Variants in HOXC4 observed in about 807,000 individuals in gnomAD.
HOXC4 encodes the protein homeobox C4.
In HOXC4, 15 loss-of-function variants were observed where a neutral mutation model predicts 25.5. The ratio of observed to expected loss-of-function variants is 0.59; its 90% confidence interval spans 0.39 to 0.91. The LOEUF is 0.91. HOXC4 is among the 40% of genes least tolerant of loss of function. HOXC4 has a pLI of 0.00. For synonymous variants in HOXC4, 165 were observed against 148.0 expected, an observed-to-expected ratio of 1.11 and a Z score of -0.83; for missense variants, 342 against 352.4, an observed-to-expected ratio of 0.97 and a Z score of 0.24.
chr12:54,038,724 C>CTGAGATAAAA (rs2136454664), intron 1 of HOXC4, among the ~76,000 whole-genome samples: 1 of 152,234 alleles, frequency 6.6e-6, no homozygotes, highest in South Asian at 2.1e-4. Flanking sequence ...CAGCCCTTGC[C>CTGAGATAAAA]TGAGATAAAA....
rs1477097655 is a variant in HOXC4 at position 54,055,482 on chromosome 12, T to C, written c.*277T>C. 6.4e-6 allele frequency: 1 copy of C among 157,028 alleles called. No homozygotes were observed. Among genetic ancestry groups the C allele is most frequent in the Non-Finnish European group, 1.4e-5 (1 of 71,734 alleles). The allele number at this position is 157,028 out of a possible 1,614,324, so 9.7% of individuals were successfully genotyped here. On this transcript the variant is annotated 3_prime_UTR_variant, in exon 2 of 2. Coordinates refer to ENST00000430889, the MANE Select transcript of HOXC4 (RefSeq NM_153633.3). ...CTGGGTGTTTTTTTTTAAAAGGCCA[T>C]TTTGGGGGGTTATTTATTTTTTAAG... is the stretch of plus-strand genomic sequence containing the variant.
chr12:54,034,287 G>A, intron 1 of HOXC4: 1 of 1,613,604 alleles, frequency 6.2e-7, no homozygotes, highest in Non-Finnish European at 8.5e-7. Flanking sequence ...GAGACGGACG[G>A]CAAGCGGTCC....
At chr12:54,043,129 C>A (rs948680018) in intron 1 of HOXC4, among the ~76,000 whole-genome samples, 1 of 152,164 alleles carries the variant, frequency 6.6e-6, no homozygotes, top group Non-Finnish European at 1.5e-5. Flanking sequence ...CTCTAAGGAC[C>A]ACATTTTAGC....
chr12:54,032,371 C>A (rs1194920611), intron 1 of HOXC4, among the ~76,000 whole-genome samples: 1 of 152,238 alleles, frequency 6.6e-6, no homozygotes, highest in Admixed American at 6.5e-5. Context: ...CTTTCTCTTG[C>A]TGATAGGCAC....
At chr12:54,040,227 GC>G (rs903355119) in intron 1 of HOXC4, among the ~76,000 whole-genome samples, 1 of 152,178 alleles carries the variant, frequency 6.6e-6, no homozygotes, top group African/African-American at 2.4e-5. Context: ...AACCCGGGAA[GC>G]TTTTAATTTT....
intron 1 of HOXC4, among the ~76,000 whole-genome samples, chr12:54,040,615 C>A (rs1941257155): frequency 6.6e-6 from 1 of 152,186 alleles, no homozygotes; most frequent in South Asian, 2.1e-4. Context: ...CGTTCGCCAG[C>A]GTGATTCTAC....
At chr12:54,042,769 C>T (rs536558717) in intron 1 of HOXC4, among the ~76,000 whole-genome samples, 3 of 152,224 alleles carry the variant, frequency 2.0e-5, no homozygotes, top group South Asian at 2.1e-4. Flanking sequence ...AAGGAGAAGA[C>T]GATGCTGTTT....
intron 1 of HOXC4, chr12:54,020,449 A>G (rs1212804848): frequency 1.3e-5 from 2 of 152,222 alleles, no homozygotes; most frequent in African/African-American, 4.8e-5. Flanking sequence ...CTGGTCTGAC[A>G]GTTGTGATCC....
At chr12:54,051,508 C>T (rs1433031301), upstream of HOXC4, among the ~76,000 whole-genome samples, 1 of 152,226 alleles carries the variant, frequency 6.6e-6, no homozygotes, top group Non-Finnish European at 1.5e-5. Context: ...AACTTCCTCT[C>T]CAACCAAACC....
intron 1 of HOXC4, chr12:54,034,302 C>A: frequency 1.2e-6 from 2 of 1,614,030 alleles, no homozygotes; most frequent in Non-Finnish European, 1.7e-6. Context: ...CGGTCCCGAA[C>A]CAGTTACACG....
chr12:54,045,221 C>T (rs556128230), intron 1 of HOXC4, among the ~76,000 whole-genome samples: 14 of 152,318 alleles, frequency 9.2e-5, no homozygotes, highest in African/African-American at 2.6e-4. Flanking sequence ...TATGTGAAAA[C>T]GTATTTATAG....
intron 1 of HOXC4, among the ~76,000 whole-genome samples, chr12:54,025,299 G>A (rs1940641100): frequency 6.6e-6 from 1 of 152,032 alleles, no homozygotes; most frequent in Non-Finnish European, 1.5e-5. Context: ...AATATATTTA[G>A]AAAAATCTAA....
upstream of HOXC4, among the ~76,000 whole-genome samples, chr12:54,051,279 C>A (rs1937840280): frequency 6.6e-6 from 1 of 151,902 alleles, no homozygotes; most frequent in Non-Finnish European, 1.5e-5. Flanking sequence ...ACCCTCTCCA[C>A]ATGGCACCAA....
At chr12:54,036,473 A>G (rs1030807562) in intron 1 of HOXC4, among the ~76,000 whole-genome samples, 22 of 152,180 alleles carry the variant, frequency 1.4e-4, no homozygotes, top group Non-Finnish European at 2.8e-4. Flanking sequence ...GCTGCATCCC[A>G]CTGCCTAAGC....
chr12:54,029,983 C>A, intron 1 of HOXC4: 1 of 1,505,288 alleles, frequency 6.6e-7, no homozygotes, highest in South Asian at 1.3e-5. Flanking sequence ...CCCTGCCACC[C>A]CTCTCTCCCT....
chr12:54,034,727 C>A, intron 1 of HOXC4: 1 of 526,394 alleles, frequency 1.9e-6, no homozygotes, highest in Non-Finnish European at 3.4e-6. Context: ...GCTCGGTACC[C>A]GGGGCCCAGG....
intron 1 of HOXC4, chr12:54,028,476 A>G: frequency 6.3e-7 from 1 of 1,577,340 alleles, no homozygotes; most frequent in Non-Finnish European, 8.6e-7. Flanking sequence ...TGGAGACAGA[A>G]ATAAATATTA....
chr12:54,029,906 C>A (rs1163089151), intron 1 of HOXC4: 1 of 1,608,820 alleles, frequency 6.2e-7, no homozygotes, highest in Non-Finnish European at 8.5e-7. Context: ...CGCCGACAGC[C>A]TGGGCGGAAA....
In HOXC4 at chr12:54,033,090, A is replaced by G. The variant is rs775788638; in HGVS notation, c.-124+15676A>G. 8 of 1,567,634 alleles carry G rather than the reference A, an allele frequency of 5.1e-6. No homozygotes were observed. In the Admixed American group the frequency reaches 8.7e-5, roughly 17 times the overall value. ...AGTCACAAATCACCCTTAATCAAAA[A>G]GGGTGCAGAAATTTTTTTGGGCCCT... On this transcript the variant is annotated intron_variant, in intron 1 of 3. Transcript: ENST00000303406.
Sources: gnomAD v4.1 joint callset for allele counts (sites outside exome capture counted in the v4.1 genomes callset) on GRCh38, gnomAD v4.1.1 for gene constraint, MANE v1.5 for transcripts, NCBI Gene and HGNC (gene_info 2026-07-23, HGNC 2026-07-21) for gene names.